DCT: variants seen among roughly 807,000 people sequenced by gnomAD.
The protein encoded by DCT is dopachrome tautomerase.
Under a neutral mutation model 53.0 loss-of-function variants are expected in DCT, and 47 were observed. The ratio of observed to expected loss-of-function variants is 0.89; its 90% CI spans 0.70 to 1.13. DCT has a LOEUF of 1.13. Among genes scored for constraint, DCT ranks in the 50% most tolerant of loss-of-function variants. The probability of loss-of-function intolerance (pLI) is 0.00; values close to 1 mark genes in which losing one functional copy is unlikely to be tolerated. For missense variants in DCT, 669 were observed against 637.4 expected (o/e 1.05, Z -0.53); for synonymous variants, 244 against 237.0 (o/e 1.03, Z -0.27).
At chr13:94,482,713 G>A (rs913494853), upstream of DCT, among the ~76,000 whole-genome samples, 1 of 151,964 alleles carries the variant, frequency 6.6e-6, no homozygotes, top group Admixed American at 6.6e-5. Context: ...TCATCAAAAG[G>A]GCCTCATTAT....
In DCT at chr13:94,468,950, G is replaced by A. The variant is rs2139351795; in HGVS notation, c.391C>T (p.His131Tyr). Residue 131 changes from histidine (H) to tyrosine (Y), a missense_variant, in exon 2 of 8, where the codon CAT (histidine) becomes TAT (tyrosine). His to Tyr is a moderately conservative substitution (Grantham distance 83, BLOSUM62 2). Coordinates refer to ENST00000377028, the MANE Select transcript of DCT (RefSeq NM_001922.5). ...TCTCTTTCCTGAGGACTCAAGGAAT[G>A]GATGTTCTGCCGAATCACTGGTGGT... ...KKPPVIRQNI[H>Y]SLSPQEREQF... 2 of 1,614,132 alleles carry A rather than the reference G, an allele frequency of 1.2e-6. No homozygotes were observed. Among genetic ancestry groups the A allele is most frequent in the East Asian group, 2.2e-5 (1 of 44,882 alleles).
Position 94,478,951 on chromosome 13 carries a change from T to C in DCT, c.295+10A>G, listed in dbSNP as rs756231813. On this transcript the variant is annotated intron_variant, in intron 1 of 7. Transcript: ENST00000377028. ...GGCCCTCCCCACCAAGCTTGGAGCA[T>C]GGGCCTCACCTGTGCACTTGCAGGT... 48 of 1,589,768 alleles carry C rather than the reference T, an allele frequency of 3.0e-5. No individual in the cohort carries two copies. The Admixed American group carries it at 3.4e-4, about 11-fold the overall frequency.
At chr13:94,507,320 A>G in the DCT span, among the ~76,000 whole-genome samples, 3 of 152,220 alleles carry the variant, frequency 2.0e-5, no homozygotes, top group East Asian at 1.9e-4. Flanking sequence ...ACTTTTCTAC[A>G]AGTCTAAAGT....
At chr13:94,446,483 T>C (rs1272696910) in intron 6 of DCT, among the ~76,000 whole-genome samples, 2 of 152,228 alleles carry the variant, frequency 1.3e-5, no homozygotes, top group African/African-American at 4.8e-5. Flanking sequence ...TTTTGATAAG[T>C]AAATTAGTGA....
the DCT span, among the ~76,000 whole-genome samples, chr13:94,530,817 G>C: frequency 1.3e-5 from 2 of 152,100 alleles, no homozygotes; most frequent in African/African-American, 4.8e-5. Flanking sequence ...AAGAAATAAA[G>C]GGTATTCAAT....
Position 94,437,643 on chromosome 13 carries a change from T to C in DCT, c.*2255A>G, listed in dbSNP as rs1410626172. On this transcript the variant is annotated 3_prime_UTR_variant, in exon 8 of 8. Coordinates refer to ENST00000377028, the MANE Select transcript of DCT (RefSeq NM_001922.5). Reference sequence around the variant, plus strand: ...TATCATTGAGAAATATAGCCCACAGTATTTGGTGACATTTTCTGAGTTTAT... The same window carrying C: ...TATCATTGAGAAATATAGCCCACAGCATTTGGTGACATTTTCTGAGTTTAT... The C allele has an allele frequency of 1.3e-5, 2 of 152,164 alleles. No individual in the cohort carries two copies. Among genetic ancestry groups the C allele is most frequent in the African/African-American group, 2.4e-5 (1 of 41,464 alleles). 9.4% of individuals were successfully genotyped at this position (152,164 alleles called of 1,614,324 possible).
chr13:94,519,425 C>G, the DCT span, among the ~76,000 whole-genome samples: 12,393 of 152,056 alleles, frequency 0.082, 1,108 homozygotes, highest in African/African-American at 0.22. Context: ...TGGTTTTGTA[C>G]CCAAGGAGTT....
chr13:94,540,151 A>G, the DCT span, among the ~76,000 whole-genome samples: 1 of 152,190 alleles, frequency 6.6e-6, no homozygotes, highest in African/African-American at 2.4e-5. Context: ...ATTGTTTCAA[A>G]TTTCCAACTC....
the DCT span, among the ~76,000 whole-genome samples, chr13:94,539,853 AAGG>A: frequency 6.6e-6 from 1 of 152,196 alleles, no homozygotes; most frequent in Non-Finnish European, 1.5e-5. Context: ...TCAGCATTCA[AAGG>A]AGAAGTAATG....
rs548383203 is a variant in DCT, at chr13:94,465,792, A to G, written c.704T>C (p.Ile235Thr). 1.1e-5 allele frequency: 17 copies of G among 1,610,610 alleles called. No homozygotes were observed. The highest frequency in any genetic ancestry group is 1.7e-5 in the Admixed American group (1 of 59,680). The change falls in exon 4 of 8, where the codon ATT becomes ACT. Residue 235 changes from isoleucine (I) to threonine (T), a missense_variant. Ile to Thr is a moderately conservative substitution (Grantham distance 89, BLOSUM62 -1). Coordinates refer to ENST00000377028, the MANE Select transcript of DCT (RefSeq NM_001922.5). ...LCLERDLQRL[I>T]GNESFALPYW... is the part of the protein sequence containing the mutation. ...GGGCAAAGCAAAAGACTCATTGCCA[A>G]TGAGTCGCTAAAAGCAAAGGGCAGG...
At chr13:94,540,584 A>T in the DCT span, among the ~76,000 whole-genome samples, 8 of 152,220 alleles carry the variant, frequency 5.3e-5, no homozygotes, top group African/African-American at 1.9e-4. Context: ...CATCCAAGAA[A>T]TGCAAATCAA....
chr13:94,489,607 A>G, the DCT span, among the ~76,000 whole-genome samples: 2 of 152,204 alleles, frequency 1.3e-5, no homozygotes, highest in South Asian at 2.1e-4. Context: ...GGTCTGACCC[A>G]TTATATTATT....
the DCT span, among the ~76,000 whole-genome samples, chr13:94,506,085 T>A: frequency 6.6e-6 from 1 of 152,216 alleles, no homozygotes; most frequent in Non-Finnish European, 1.5e-5. Flanking sequence ...TTGGGGGTAA[T>A]TTGTTACACA....
the DCT span, among the ~76,000 whole-genome samples, chr13:94,512,531 C>G: frequency 2.6e-5 from 4 of 152,022 alleles, no homozygotes; most frequent in Non-Finnish European, 5.9e-5. Flanking sequence ...AGTTGAGAAG[C>G]CAGAAGTGGG....
At chr13:94,494,691 G>C in the DCT span, among the ~76,000 whole-genome samples, 2 of 152,304 alleles carry the variant, frequency 1.3e-5, no homozygotes, top group East Asian at 3.9e-4. Context: ...TTTTTAAAGT[G>C]TTAAAGAAAC....
At chr13:94,502,877 C>A in the DCT span, among the ~76,000 whole-genome samples, 1 of 152,108 alleles carries the variant, frequency 6.6e-6, no homozygotes, top group East Asian at 1.9e-4. Flanking sequence ...AGCCTGCCAC[C>A]CCAGGTCCCC....
At chr13:94,490,504 C>CA in the DCT span, among the ~76,000 whole-genome samples, 267 of 35,472 alleles carry the variant, frequency 7.5e-3, 23 homozygotes, top group African/African-American at 0.013. Flanking sequence ...GACTCGGTCT[C>CA]AAAAAAAAAA....
the DCT span, among the ~76,000 whole-genome samples, chr13:94,525,107 C>CTT: frequency 5.3e-5 from 8 of 150,640 alleles, no homozygotes; most frequent in South Asian, 4.2e-4. Context: ...GTGATACCTT[C>CTT]TTTTTTTTTG....
the DCT span, among the ~76,000 whole-genome samples, chr13:94,536,418 A>G: frequency 1.3e-5 from 2 of 152,068 alleles, no homozygotes; most frequent in African/African-American, 4.8e-5. Context: ...TCCAAATCTC[A>G]TGTTTAAATG....
Sources: allele counts gnomAD v4.1 joint callset (sites outside exome capture counted in the v4.1 genomes callset), GRCh38; gene constraint gnomAD v4.1.1; transcripts MANE v1.5; gene names NCBI Gene and HGNC (gene_info 2026-07-23, HGNC 2026-07-21).